Variants in BCR observed in about 807,000 individuals in gnomAD.
The protein encoded by BCR is breakpoint cluster region protein.
In BCR, 58 loss-of-function variants were observed where a neutral mutation model predicts 138.6. The ratio of observed to expected loss-of-function variants is 0.42; its 90% CI spans 0.34 to 0.52. The LOEUF (loss-of-function observed/expected upper bound fraction) is 0.52, where lower values mean the gene tolerates loss of function less well. BCR is among the 20% of genes least tolerant of loss of function. The probability of loss-of-function intolerance (pLI) is 0.06; values close to 1 mark genes in which losing one functional copy is unlikely to be tolerated. For synonymous variants in BCR, 786 were observed against 730.1 expected (o/e 1.08, Z -1.23); for missense variants, 1,599 against 1,727.2 (o/e 0.93, Z 1.32).
chr22:23,260,606 C>T (rs912855207), intron 2 of BCR, among the ~76,000 whole-genome samples: 3 of 152,212 alleles, frequency 2.0e-5, no homozygotes, highest in African/African-American at 7.2e-5. Context: ...CCTCCTTCTC[C>T]TTCCCTGACT....
At chr22:23,193,875 C>T (rs1295612816) in intron 1 of BCR, among the ~76,000 whole-genome samples, 4 of 152,240 alleles carry the variant, frequency 2.6e-5, no homozygotes, top group African/African-American at 9.6e-5. Flanking sequence ...GGTCATTTGA[C>T]TCCTACCTTA....
chr22:23,252,427 C>CTTTTTTTTTTTTTTTTT lies in BCR; in HGVS notation c.1280-1368_1280-1367insTTTTTTTTTTTTTTTTT, dbSNP rs371986661. 1.8e-4 allele frequency among the ~76,000 whole-genome samples: 21 copies of CTTTTTTTTTTTTTTTTT among 119,502 alleles called. 2 individuals are homozygous for CTTTTTTTTTTTTTTTTT. Among genetic ancestry groups the CTTTTTTTTTTTTTTTTT allele is most frequent in the East Asian group, 2.4e-4 (1 of 4,136 alleles). 78.4% of individuals were successfully genotyped at this position (119,502 alleles called of 152,430 possible). A position where few individuals can be genotyped will look rare whatever the true frequency, so the allele number is the denominator to read the frequency against. On this transcript the variant is annotated intron_variant, in intron 1 of 22. Transcript: ENST00000305877. Reference sequence around the variant, plus strand: ...TTGGGTTTCCCTTTCTTTTTCTTTTCTTTTCTTTTTTTTTTTTTTTTGAGA... The same window carrying CTTTTTTTTTTTTTTTTT: ...TTGGGTTTCCCTTTCTTTTTCTTTTCTTTTTTTTTTTTTTTTTTTTTCTTTTTTTTTTTTTTTTGAGA...
At chr22:23,222,997 C>T (rs2072843800) in intron 1 of BCR, among the ~76,000 whole-genome samples, 2 of 152,198 alleles carry the variant, frequency 1.3e-5, no homozygotes, top group Admixed American at 1.3e-4. Context: ...TAGATGGCAT[C>T]TTCCTGCTGT....
intron 1 of BCR, among the ~76,000 whole-genome samples, chr22:23,206,576 CAAAAA>C (rs559810867): frequency 5.0e-4 from 45 of 89,720 alleles, no homozygotes; most frequent in African/African-American, 1.7e-3. Context: ...GACTCCGTCT[CAAAAA>C]AAAAAAAAAA....
At chr22:23,244,911 C>T (rs370643249) in intron 1 of BCR, among the ~76,000 whole-genome samples, 5 of 152,166 alleles carry the variant, frequency 3.3e-5, no homozygotes, top group African/African-American at 4.8e-5. Flanking sequence ...TTATTGCCTC[C>T]GGGAATGACT....
intron 1 of BCR, among the ~76,000 whole-genome samples, chr22:23,241,797 C>T (rs1184039645): frequency 6.6e-6 from 1 of 152,190 alleles, no homozygotes; most frequent in Non-Finnish European, 1.5e-5. Context: ...CAGTGCCACA[C>T]TCAGATGTGC....
At chr22:23,222,063 C>G (rs1886927921) in intron 1 of BCR, among the ~76,000 whole-genome samples, 1 of 151,940 alleles carries the variant, frequency 6.6e-6, no homozygotes. Context: ...TGCACTCCAG[C>G]TTGGGCAACA....
chr22:23,227,354 TTTGTG>T (rs528694351), intron 1 of BCR, among the ~76,000 whole-genome samples: 3 of 152,202 alleles, frequency 2.0e-5, no homozygotes, highest in Non-Finnish European at 2.9e-5. Context: ...AGATATATCT[TTTGTG>T]TGAATTGCAC....
chr22:23,259,013 C>T (rs919706011), intron 2 of BCR, among the ~76,000 whole-genome samples: 5 of 152,218 alleles, frequency 3.3e-5, no homozygotes, highest in African/African-American at 9.7e-5. Flanking sequence ...AAAGGGAGCA[C>T]GGCCTCAGCC....
At chr22:23,192,433 G>A (rs1283185253) in intron 1 of BCR, among the ~76,000 whole-genome samples, 1 of 152,228 alleles carries the variant, frequency 6.6e-6, no homozygotes, top group Admixed American at 6.5e-5. Flanking sequence ...GGGCACAGAT[G>A]GTGCTCAGTA....
At chr22:23,277,766 C>G (rs2073595860) in intron 8 of BCR, among the ~76,000 whole-genome samples, 1 of 152,166 alleles carries the variant, frequency 6.6e-6, no homozygotes, top group Non-Finnish European at 1.5e-5. Flanking sequence ...CACTGTGGCT[C>G]CTATAATCTC....
intron 1 of BCR, among the ~76,000 whole-genome samples, chr22:23,192,000 T>TG (rs2072421628): frequency 6.6e-6 from 1 of 152,230 alleles, no homozygotes; most frequent in Non-Finnish European, 1.5e-5. Flanking sequence ...TAGCTCTCAC[T>TG]GCCACGACTT....
intron 16 of BCR, 85 bp downstream of exon 16, chr22:23,295,240 C>T: frequency 4.0e-6 from 6 of 1,482,452 alleles, no homozygotes; most frequent in Non-Finnish European, 5.5e-6. Context: ...ATGGTCATGG[C>T]CTTGCACCCA....
intron 8 of BCR, among the ~76,000 whole-genome samples, chr22:23,275,015 C>T (rs188824308): frequency 6.6e-6 from 1 of 152,240 alleles, no homozygotes; most frequent in Non-Finnish European, 1.5e-5. Flanking sequence ...TCCTCAGGGC[C>T]CCCAGGGTGG....
intron 1 of BCR, among the ~76,000 whole-genome samples, chr22:23,192,602 C>A (rs1399595819): frequency 6.6e-6 from 1 of 152,224 alleles, no homozygotes. Context: ...TTTTGCAAAT[C>A]TCCAAGATAG....
intron 1 of BCR, among the ~76,000 whole-genome samples, chr22:23,251,811 A>G (rs947596750): frequency 2.6e-5 from 4 of 152,184 alleles, no homozygotes; most frequent in East Asian, 1.9e-4. Context: ...ATGGGCCTCA[A>G]AGTCCCCCTT....
In BCR at chr22:23,261,554, G is replaced by A. The variant is rs1281483793; in HGVS notation, c.1752+14G>A. ...TTCCAGAAGCTGGTGAGTAACCCAG[G>A]GCCGGTGCTGGGACTACAGGCGTGT... On this transcript the variant is annotated intron_variant, in intron 4 of 22. Coordinates refer to ENST00000305877, the MANE Select transcript of BCR (RefSeq NM_004327.4). 3.7e-6 allele frequency: 6 copies of A among 1,609,332 alleles called. No homozygotes were observed. The highest frequency in any genetic ancestry group is 5.1e-6 in the Non-Finnish European group (6 of 1,179,874).
At chr22:23,313,606 C>T (rs144756471) in intron 20 of BCR, among the ~76,000 whole-genome samples, 1,594 of 152,290 alleles carry the variant, frequency 0.01, 15 homozygotes, top group Admixed American at 0.015. Context: ...TCCTTGTGTT[C>T]CTCACTCCCC....
chr22:23,249,256 C>T (rs968291853), intron 1 of BCR, among the ~76,000 whole-genome samples: 13 of 151,848 alleles, frequency 8.6e-5, no homozygotes, highest in Non-Finnish European at 1.5e-4. Context: ...GGTGAAACTC[C>T]GTCTCTACTA....
Sources: gnomAD v4.1 joint callset for allele counts (sites outside exome capture counted in the v4.1 genomes callset) on GRCh38, gnomAD v4.1.1 for gene constraint, MANE v1.5 for transcripts, NCBI Gene and HGNC (gene_info 2026-07-23, HGNC 2026-07-21) for gene names.